Variants in DAB2IP observed in about 807,000 individuals in gnomAD.
DAB2IP encodes the protein DAB2 interacting protein.
In DAB2IP, 28 loss-of-function variants were observed where a neutral mutation model predicts 107.2. That is an observed-to-expected ratio of 0.26 (90% confidence interval 0.19 to 0.36). The LOEUF (loss-of-function observed/expected upper bound fraction) is 0.36, where lower values mean the gene tolerates loss of function less well. Ranked by LOEUF, DAB2IP falls within the 10% of genes least tolerant of loss-of-function variation. The pLI, the probability that DAB2IP is intolerant of heterozygous loss-of-function variation, is 1.00. For missense variants in DAB2IP, 1,400 were observed against 1,644.7 expected, an observed-to-expected ratio of 0.85 and a Z score of 2.57; for synonymous variants, 755 against 706.4, an observed-to-expected ratio of 1.07 and a Z score of -1.09.
At chr9:121,779,209 C>A (rs180674646) in intron 14 of DAB2IP, among the ~76,000 whole-genome samples, 6 of 152,214 alleles carry the variant, frequency 3.9e-5, no homozygotes, top group African/African-American at 1.4e-4. Flanking sequence ...TTATATTTTT[C>A]ACCTCTTAGA....
At chr9:121,567,676 G>C (rs957920928) in intron 1 of DAB2IP, among the ~76,000 whole-genome samples, 4 of 152,218 alleles carry the variant, frequency 2.6e-5, no homozygotes, top group Non-Finnish European at 4.4e-5. Context: ...CATGCTGAAA[G>C]CACTCCCCGT....
intron 1 of DAB2IP, among the ~76,000 whole-genome samples, chr9:121,577,280 G>C (rs985111893): frequency 6.6e-6 from 1 of 152,198 alleles, no homozygotes; most frequent in African/African-American, 2.4e-5. Flanking sequence ...TCGGGAGAGT[G>C]GGGGAAGAGG....
rs543458926 is a variant in DAB2IP, at chr9:121,659,851, C to T, written c.124+7952C>T. The stretch of plus-strand genomic sequence containing the variant: ...AACGTGATGCCAGTGGGGACTGGAC[C>T]CACCTAGGTGGTTTCTCGGCATCCC... On this transcript the variant is annotated intron_variant, in intron 1 of 15. Coordinates refer to ENST00000408936, the Ensembl canonical transcript of DAB2IP. Among the ~76,000 whole-genome samples the T allele has an allele frequency of 7.2e-5, 11 of 152,078 alleles. No homozygotes were observed. In the South Asian group the frequency reaches 2.1e-3, roughly 29 times the overall value.
chr9:121,651,914 G>A lies in DAB2IP; in HGVS notation c.124+15G>A. 1 of 1,368,778 alleles carries A rather than the reference G, an allele frequency of 7.3e-7. No individual in the cohort carries two copies. Among genetic ancestry groups the A allele is most frequent in the Non-Finnish European group, 9.5e-7 (1 of 1,053,604 alleles). 84.8% of individuals were successfully genotyped at this position (1,368,778 alleles called of 1,614,324 possible). ...GCCTGCCAGGGGTAGGCGCCACCCC[G>A]ACCCCTGACCCCTAGACCCTCCTAA... On this transcript the variant is annotated intron_variant, in intron 1 of 15. Transcript: ENST00000408936. This position sits in a 1 kb window ranked among gnomAD's most constrained non-coding sequence, Gnocchi z 5.1.
chr9:121,778,442 T>C (rs1835360431), intron 14 of DAB2IP, among the ~76,000 whole-genome samples: 1 of 152,232 alleles, frequency 6.6e-6, no homozygotes, highest in Non-Finnish European at 1.5e-5. Context: ...TGGTTCTGCC[T>C]TTTTATTGGA....
Position 121,737,644 on chromosome 9 carries a change from G to A in DAB2IP, c.363-19369G>A, listed in dbSNP as rs1253716447. On this transcript the variant is annotated intron_variant, in intron 3 of 15. Coordinates refer to ENST00000408936, the Ensembl canonical transcript of DAB2IP. ...CTGGCCATCTTCGGAAGCCAGATCT[G>A]GCTCCAGAGCCTCGGGGGTTGCAAG... The A allele has an allele frequency of 7.1e-6, 7 of 985,316 alleles. No individual in the cohort carries two copies. The African/African-American group carries it at 1.2e-4, about 17-fold the overall frequency. The allele number at this position is 985,316 out of a possible 1,614,324, so 61.0% of individuals were successfully genotyped here.
intron 3 of DAB2IP, among the ~76,000 whole-genome samples, chr9:121,715,547 G>A (rs1304601978): frequency 6.6e-6 from 1 of 151,808 alleles, no homozygotes; most frequent in Non-Finnish European, 1.5e-5. Context: ...TACAGACAGG[G>A]TTTCACTGTG....
intron 14 of DAB2IP, 91 bp from the exon 15 acceptor site, chr9:121,781,373 G>A: frequency 1.6e-6 from 2 of 1,256,560 alleles, no homozygotes; most frequent in Non-Finnish European, 2.3e-6. Flanking sequence ...GTGTGTCCCT[G>A]CTGTGTGCGG....
chr9:121,676,310 C>G (rs1479487518), intron 1 of DAB2IP, among the ~76,000 whole-genome samples: 1 of 152,248 alleles, frequency 6.6e-6, no homozygotes, highest in Non-Finnish European at 1.5e-5. Flanking sequence ...GGAAAGCCTG[C>G]TCCTTGTGTG....
At chr9:121,657,948 G>A (rs529408340) in intron 1 of DAB2IP, among the ~76,000 whole-genome samples, 1 of 152,144 alleles carries the variant, frequency 6.6e-6, no homozygotes, top group Non-Finnish European at 1.5e-5. Flanking sequence ...CTTGCCCGTG[G>A]TTACCTAAAG....
chr9:121,687,505 T>A (rs570449728), intron 2 of DAB2IP, among the ~76,000 whole-genome samples: 51 of 152,254 alleles, frequency 3.3e-4, no homozygotes, highest in Admixed American at 1.2e-3. Flanking sequence ...TACCACTGCT[T>A]TGAGAGGGGG....
chr9:121,685,003 C>T (rs751512667), intron 2 of DAB2IP, among the ~76,000 whole-genome samples: 1 of 152,308 alleles, frequency 6.6e-6, no homozygotes, highest in Non-Finnish European at 1.5e-5. Flanking sequence ...TGGGGTCCCA[C>T]CATGGGCGCC....
chr9:121,615,324 T>A (rs1050469090), intron 1 of DAB2IP, among the ~76,000 whole-genome samples: 3 of 152,268 alleles, frequency 2.0e-5, no homozygotes, highest in Non-Finnish European at 2.9e-5. Context: ...ATTTGTTTAC[T>A]CCAGAACTTT....
At chr9:121,723,825 C>G (rs998905780) in intron 3 of DAB2IP, among the ~76,000 whole-genome samples, 1 of 152,172 alleles carries the variant, frequency 6.6e-6, no homozygotes. Context: ...GGTGAGCCCA[C>G]TCGGGGTGGA....
At chr9:121,593,755 C>T (rs981239828) in intron 1 of DAB2IP, among the ~76,000 whole-genome samples, 1 of 151,002 alleles carries the variant, frequency 6.6e-6, no homozygotes, top group Admixed American at 6.6e-5. Context: ...GCAACCTCCA[C>T]CTTCCAGGTT....
intron 1 of DAB2IP, among the ~76,000 whole-genome samples, chr9:121,666,408 G>A (rs538705152): frequency 7.9e-5 from 12 of 152,340 alleles, no homozygotes; most frequent in Admixed American, 7.8e-4. Flanking sequence ...AGCACAGGTG[G>A]GTAAGGTTTA....
At chr9:121,703,037 C>A (rs1182208605) in intron 3 of DAB2IP, among the ~76,000 whole-genome samples, 1 of 152,146 alleles carries the variant, frequency 6.6e-6, no homozygotes, top group Non-Finnish European at 1.5e-5. Flanking sequence ...GATCGATTCC[C>A]CCTTCCAGAG....
chr9:121,603,149 G>T (rs532183150), intron 1 of DAB2IP, among the ~76,000 whole-genome samples: 3 of 152,216 alleles, frequency 2.0e-5, no homozygotes, highest in Non-Finnish European at 4.4e-5. Context: ...CCTGCATCTC[G>T]CGGGGAGAGG....
At chr9:121,631,715 C>T (rs1358081212) in intron 1 of DAB2IP, among the ~76,000 whole-genome samples, 1 of 148,342 alleles carries the variant, frequency 6.7e-6, no homozygotes, top group Non-Finnish European at 1.5e-5. Context: ...ACTTGGGAGG[C>T]TGAGACAGGA....
Sources: gnomAD v4.1 joint callset for allele counts (sites outside exome capture counted in the v4.1 genomes callset) on GRCh38, gnomAD v4.1.1 for gene constraint, Gnocchi (gnomAD v3.1) non-coding constraint, MANE v1.5 for transcripts, NCBI Gene and HGNC (gene_info 2026-07-23, HGNC 2026-07-21) for gene names.